The following LRRC4C variants were observed in gnomAD, a reference collection of about 807,000 sequenced individuals.
The protein encoded by LRRC4C is leucine-rich repeat-containing protein 4C.
In LRRC4C, 5 loss-of-function variants were observed where a neutral mutation model predicts 33.6. That is an observed-to-expected ratio of 0.15 (90% CI 0.08 to 0.31). The LOEUF (loss-of-function observed/expected upper bound fraction) is 0.31, where lower values mean the gene tolerates loss of function less well. Ranked by LOEUF, LRRC4C falls within the 10% of genes least tolerant of loss-of-function variation. The pLI is 1.00. For missense variants in LRRC4C, 560 were observed against 796.7 expected (o/e 0.70, Z 3.58); for synonymous variants, 329 against 302.0 (o/e 1.09, Z -0.93).
intron 2 of LRRC4C, among the ~76,000 whole-genome samples, chr11:40,737,201 G>A (rs1487737888): frequency 6.6e-6 from 1 of 152,054 alleles, no homozygotes; most frequent in East Asian, 1.9e-4. Flanking sequence ...AATAAACTAG[G>A]TATTGATGGA....
chr11:40,377,688 C>A (rs1948713155), intron 3 of LRRC4C, among the ~76,000 whole-genome samples: 5 of 152,030 alleles, frequency 3.3e-5, no homozygotes, highest in Admixed American at 3.3e-4. Context: ...CTGATAAAGG[C>A]TCTGGAGGAG....
intron 2 of LRRC4C, among the ~76,000 whole-genome samples, chr11:40,927,294 A>G (rs1957442576): frequency 6.6e-6 from 1 of 152,046 alleles, no homozygotes; most frequent in South Asian, 2.1e-4. Context: ...GAATCACTTG[A>G]ACCCGAGAGG....
chr11:40,890,945 G>A (rs1046418600), intron 2 of LRRC4C, among the ~76,000 whole-genome samples: 3 of 152,106 alleles, frequency 2.0e-5, no homozygotes, highest in Non-Finnish European at 4.4e-5. Context: ...AGGTCTCTTC[G>A]AAACTTGCCA....
chr11:41,106,238 T>C (rs1299016444), intron 1 of LRRC4C, among the ~76,000 whole-genome samples: 1 of 150,618 alleles, frequency 6.6e-6, no homozygotes, highest in Non-Finnish European at 1.5e-5. Context: ...GTATTATCTG[T>C]CTGCGCATTT....
chr11:40,837,327 T>C (rs1219133057), intron 2 of LRRC4C, among the ~76,000 whole-genome samples: 1 of 152,074 alleles, frequency 6.6e-6, no homozygotes, highest in East Asian at 1.9e-4. Context: ...CTTTATGATG[T>C]CCAGGAAATT....
At chr11:40,948,383 A>G (rs1212185211) in intron 1 of LRRC4C, among the ~76,000 whole-genome samples, 1 of 151,850 alleles carries the variant, frequency 6.6e-6, no homozygotes, top group Non-Finnish European at 1.5e-5. Context: ...TTTTATTATT[A>G]TACTTTAAGT....
At chr11:40,558,622 C>T (rs1957422082) in intron 3 of LRRC4C, among the ~76,000 whole-genome samples, 1 of 152,174 alleles carries the variant, frequency 6.6e-6, no homozygotes, top group Non-Finnish European at 1.5e-5. Context: ...ACTGTGTCTC[C>T]TTGATATTCT....
At chr11:40,477,698 C>T (rs1953312110) in intron 3 of LRRC4C, among the ~76,000 whole-genome samples, 1 of 152,040 alleles carries the variant, frequency 6.6e-6, no homozygotes, top group South Asian at 2.1e-4. Flanking sequence ...CTAACAATTT[C>T]ATCCTTGTGA....
chr11:40,387,090 T>C (rs896431445), intron 3 of LRRC4C, among the ~76,000 whole-genome samples: 1 of 152,184 alleles, frequency 6.6e-6, no homozygotes, highest in Non-Finnish European at 1.5e-5. Context: ...CTGCATTCGA[T>C]TGTAGGATGG....
rs535360726 is a variant in LRRC4C, at chr11:40,948,149, G to A, written c.-495-14426C>T. 1.3e-5 allele frequency among the ~76,000 whole-genome samples: 2 copies of A among 152,016 alleles called. 1 individual carries two copies. The highest frequency in any genetic ancestry group is 4.8e-5 in the African/African-American group (2 of 41,468). On this transcript the variant is annotated intron_variant, in intron 1 of 6. Transcript: ENST00000528697. Reference sequence around the variant, plus strand: ...TATGACTCCCCCATATAAGTCACATGTTCTATTTAATCTGAGTTGTTTACT... The same window carrying A: ...TATGACTCCCCCATATAAGTCACATATTCTATTTAATCTGAGTTGTTTACT...
rs560458887 is a variant in LRRC4C, at chr11:41,440,958, A to T, written c.-496+18473T>A. ...CAATCCCAGGTAGTATCTTTATAGC[A>T]GTACTAGAGAACTCAATTACTATAA... On this transcript the variant is annotated intron_variant, in intron 1 of 6. Transcript: ENST00000528697. Among the ~76,000 whole-genome samples, 59 of 152,296 alleles carry T rather than the reference A, an allele frequency of 3.9e-4. 1 individual carries two copies. In the South Asian group the frequency reaches 0.012, roughly 30 times the overall value.
At chr11:40,235,250 C>T (rs964258361) in intron 5 of LRRC4C, among the ~76,000 whole-genome samples, 2 of 152,270 alleles carry the variant, frequency 1.3e-5, no homozygotes, top group Middle Eastern at 3.4e-3. Flanking sequence ...GCAGATTAAA[C>T]AAAAATATGC....
At chr11:40,825,936 A>G (rs1322083645) in intron 2 of LRRC4C, among the ~76,000 whole-genome samples, 1 of 29,900 alleles carries the variant, frequency 3.3e-5, no homozygotes, top group South Asian at 1.9e-3. Flanking sequence ...CACATATTGT[A>G]TTCTGGGGGG....
At chr11:41,240,154 A>C (rs543994261) in intron 1 of LRRC4C, among the ~76,000 whole-genome samples, 1 of 152,254 alleles carries the variant, frequency 6.6e-6, no homozygotes, top group Non-Finnish European at 1.5e-5. Context: ...TGGCACAAAC[A>C]AAAAGGGAAA....
intron 3 of LRRC4C, among the ~76,000 whole-genome samples, chr11:40,637,002 C>G (rs564882454): frequency 2.7e-4 from 41 of 152,280 alleles, no homozygotes; most frequent in Non-Finnish European, 4.6e-4. Context: ...ATCATTCCCC[C>G]CTTAACCCTG....
intron 1 of LRRC4C, among the ~76,000 whole-genome samples, chr11:41,022,095 C>T (rs1486253751): frequency 6.7e-6 from 1 of 149,332 alleles, no homozygotes; most frequent in African/African-American, 2.5e-5. Context: ...GGAATGTCTT[C>T]CTGAATGCTT....
rs1565626014 is a variant in LRRC4C, at chr11:41,378,277, T to C, written c.-496+81154A>G. Among the ~76,000 whole-genome samples, 4 of 152,198 alleles carry C rather than the reference T, an allele frequency of 2.6e-5. 1 individual carries two copies. Among genetic ancestry groups the C allele is most frequent in the South Asian group, 2.1e-4 (1 of 4,820 alleles). ...CATGGGAATGAAGAAAAGGCAAAAA[T>C]AGGCACAAAGTGCCAGGAGAAATGA... On this transcript the variant is annotated intron_variant, in intron 1 of 6. Coordinates refer to ENST00000528697, the MANE Select transcript of LRRC4C (RefSeq NM_001258419.2).
At chr11:40,828,155 A>ACACG (rs1952247895) in intron 2 of LRRC4C, among the ~76,000 whole-genome samples, 1 of 139,242 alleles carries the variant, frequency 7.2e-6, no homozygotes, top group African/African-American at 2.5e-5. Context: ...ACAAACATAC[A>ACACG]CACACACACA....
intron 2 of LRRC4C, among the ~76,000 whole-genome samples, chr11:40,899,225 T>C (rs774052508): frequency 5.3e-5 from 8 of 152,124 alleles, no homozygotes; most frequent in Admixed American, 2.0e-4. Flanking sequence ...CTCAAATCAG[T>C]TCTCCCTTTC....
Sources: gnomAD v4.1 joint callset for allele counts (sites outside exome capture counted in the v4.1 genomes callset) on GRCh38, gnomAD v4.1.1 for gene constraint, MANE v1.5 for transcripts, NCBI Gene and HGNC (gene_info 2026-07-23, HGNC 2026-07-21) for gene names.